Variants in ABCC4 observed in about 807,000 individuals in gnomAD.
The protein encoded by ABCC4 is ATP-binding cassette sub-family C member 4.
A neutral mutation model predicts 168.5 loss-of-function variants in ABCC4; 102 were observed. The observed-to-expected ratio is 0.61, with a 90% CI of 0.52 to 0.71. The LOEUF is 0.71. ABCC4 is among the 30% of genes least tolerant of loss of function. The pLI is 0.00. For synonymous variants in ABCC4, 617 were observed against 590.7 expected, an observed-to-expected ratio of 1.04 and a Z score of -0.65; for missense variants, 1,402 against 1,605.8, an observed-to-expected ratio of 0.87 and a Z score of 2.17.
At chr13:95,083,027 G>T in intron 21 of ABCC4, 113 bp downstream of exon 21, 2 of 1,219,684 alleles carry the variant, frequency 1.6e-6, no homozygotes, top group Non-Finnish European at 1.2e-6. Context: ...ATTACCTAAT[G>T]TTAGAGAAAT....
chr13:95,104,300 G>A (rs1219027974), intron 20 of ABCC4, among the ~76,000 whole-genome samples: 7 of 152,178 alleles, frequency 4.6e-5, no homozygotes, highest in Non-Finnish European at 7.3e-5. Context: ...TTTTAGTAAA[G>A]ATGGGGCTTC....
chr13:95,137,499 A>G (rs1230597300), intron 19 of ABCC4, among the ~76,000 whole-genome samples: 1 of 152,220 alleles, frequency 6.6e-6, no homozygotes, highest in Admixed American at 6.5e-5. Flanking sequence ...AAAATTCTAC[A>G]TGGTAGAATA....
Position 95,044,345 on chromosome 13 carries a change from G to A in ABCC4, c.3550C>T (p.Leu1184=), listed in dbSNP as rs141693430. Reference sequence around the variant, plus strand: ...AGAATTGCCCTGGCAAGGCACACCAGTTGTCTTTGTCCAACACTAAAATTG... The same window carrying A: ...AGAATTGCCCTGGCAAGGCACACCAATTGTCTTTGTCCAACACTAAAATTG... The part of the protein sequence containing the change: ...GSNFSVGQRQ[L]VCLARAILRK... The change falls in exon 28 of 31, where the codon CTG becomes TTG. Residue 1184 remains leucine (L), a synonymous_variant. Transcript: ENST00000645237. The A allele has an allele frequency of 1.4e-4, 232 of 1,613,616 alleles. No individual in the cohort carries two copies. Among genetic ancestry groups the A allele is most frequent in the Non-Finnish European group, 1.9e-4 (219 of 1,179,892 alleles).
At chr13:95,056,432 T>C (rs950588113) in intron 26 of ABCC4, among the ~76,000 whole-genome samples, 1 of 152,104 alleles carries the variant, frequency 6.6e-6, no homozygotes, top group Non-Finnish European at 1.5e-5. Flanking sequence ...GAAAAGAACA[T>C]TGTTCACCAA....
chr13:95,234,615 G>C lies in ABCC4; in HGVS notation c.526C>G (p.Arg176Gly), dbSNP rs374877163. The C allele has an allele frequency of 3.1e-6, 5 of 1,612,804 alleles. No homozygotes were observed. The African/African-American group carries it at 6.7e-5, about 22-fold the overall frequency. Reference sequence around the variant, plus strand: ...TAATGCTGAATGTCACTTACCTTCCGATAAATCATATGGCACATGGCTACT... The same window carrying C: ...TAATGCTGAATGTCACTTACCTTCCCATAAATCATATGGCACATGGCTACT... ...LRVAMCHMIY[R>G]KALRLSNMAM... The change falls in exon 4 of 31, where the codon CGG (arginine) becomes GGG (glycine). Residue 176 changes from arginine (R) to glycine (G), a missense_variant. Coordinates refer to ENST00000645237, the MANE Select transcript of ABCC4 (RefSeq NM_005845.5).
chr13:95,261,632 C>CA (rs201408829), intron 1 of ABCC4, among the ~76,000 whole-genome samples: 8 of 151,302 alleles, frequency 5.3e-5, no homozygotes, highest in East Asian at 1.9e-4. Flanking sequence ...GAAAAAAACA[C>CA]AAAAAAAAGT....
intron 3 of ABCC4, among the ~76,000 whole-genome samples, chr13:95,244,952 C>T (rs915770469): frequency 3.9e-5 from 6 of 152,090 alleles, no homozygotes; most frequent in South Asian, 2.1e-4. Flanking sequence ...AAGCTCCCCT[C>T]GATCCGGGCC....
chr13:95,265,906 A>G (rs2040657863), intron 1 of ABCC4, among the ~76,000 whole-genome samples: 1 of 152,202 alleles, frequency 6.6e-6, no homozygotes, highest in Non-Finnish European at 1.5e-5. Context: ...ATGGGGGGAA[A>G]TAAGGGGCCA....
chr13:95,172,037 T>A (rs889074871), intron 13 of ABCC4, among the ~76,000 whole-genome samples: 6 of 152,222 alleles, frequency 3.9e-5, no homozygotes, highest in Middle Eastern at 3.2e-3. Context: ...CTATGTCCAG[T>A]ATCAGCCAAC....
At chr13:95,023,601 C>A (rs1397447734) in intron 30 of ABCC4, among the ~76,000 whole-genome samples, 1 of 152,202 alleles carries the variant, frequency 6.6e-6, no homozygotes, top group Non-Finnish European at 1.5e-5. Flanking sequence ...ATAACAATAG[C>A]TTACGTCACA....
intron 3 of ABCC4, among the ~76,000 whole-genome samples, chr13:95,238,386 G>A (rs1360177286): frequency 6.6e-6 from 1 of 151,992 alleles, no homozygotes; most frequent in East Asian, 1.9e-4. Flanking sequence ...AGACTTACAC[G>A]CTCACTGATG....
chr13:95,201,606 T>C (rs1291813955), intron 8 of ABCC4, among the ~76,000 whole-genome samples: 1 of 152,102 alleles, frequency 6.6e-6, no homozygotes. Context: ...TATAAACAAA[T>C]GGCTTCAATA....
intron 1 of ABCC4, among the ~76,000 whole-genome samples, chr13:95,281,187 G>A (rs1298850405): frequency 6.6e-6 from 1 of 150,568 alleles, no homozygotes; most frequent in Non-Finnish European, 1.5e-5. Flanking sequence ...GTGCAAGCCT[G>A]TAATCCCAGC....
chr13:95,272,067 G>A (rs1234817880), intron 1 of ABCC4, among the ~76,000 whole-genome samples: 4 of 149,492 alleles, frequency 2.7e-5, no homozygotes, highest in South Asian at 4.2e-4. Flanking sequence ...TTTTTGAGAC[G>A]AACTTTCGCT....
chr13:95,027,960 A>C (rs1466968710), intron 30 of ABCC4, among the ~76,000 whole-genome samples: 1 of 152,224 alleles, frequency 6.6e-6, no homozygotes, highest in Non-Finnish European at 1.5e-5. Context: ...ATATTCAAAG[A>C]CAATCCCATA....
chr13:95,119,560 T>C (rs2035493297), intron 19 of ABCC4, among the ~76,000 whole-genome samples: 1 of 152,168 alleles, frequency 6.6e-6, no homozygotes. Context: ...TTTGTCAAAA[T>C]ACAAATTCAT....
chr13:95,294,204 T>A (rs1458469417), intron 1 of ABCC4, among the ~76,000 whole-genome samples: 1 of 151,358 alleles, frequency 6.6e-6, no homozygotes, highest in Non-Finnish European at 1.5e-5. Context: ...AATAAATAAA[T>A]AAAAAATTAT....
intron 22 of ABCC4, 48 bp downstream of exon 22, chr13:95,075,384 A>G (rs2033862502): frequency 6.2e-7 from 1 of 1,611,798 alleles, no homozygotes; most frequent in Admixed American, 1.7e-5. Context: ...TAAGCCAGAA[A>G]AAGCAGCAGA....
At chr13:95,269,631 A>AAAC (rs1566586593) in intron 1 of ABCC4, among the ~76,000 whole-genome samples, 1 of 152,028 alleles carries the variant, frequency 6.6e-6, no homozygotes, top group African/African-American at 2.4e-5. Flanking sequence ...TGTTAACCTT[A>AAAC]TAATTTATTA....
Sources: allele counts gnomAD v4.1 joint callset (sites outside exome capture counted in the v4.1 genomes callset), GRCh38; gene constraint gnomAD v4.1.1; transcripts MANE v1.5; gene names NCBI Gene and HGNC (gene_info 2026-07-23, HGNC 2026-07-21).